The following TSC22D1 variants were observed in gnomAD, a reference collection of about 807,000 sequenced individuals.
The protein encoded by TSC22D1 is TSC22 domain family member 1.
Under a neutral mutation model 74.2 loss-of-function variants are expected in TSC22D1, and 9 were observed. The ratio of observed to expected loss-of-function variants is 0.12; its 90% CI spans 0.07 to 0.21. The LOEUF (loss-of-function observed/expected upper bound fraction) is 0.21, where lower values mean the gene tolerates loss of function less well. TSC22D1 is among the 10% of genes least tolerant of loss of function. The pLI, the probability that TSC22D1 is intolerant of heterozygous loss-of-function variation, is 1.00. For synonymous variants in TSC22D1, 586 were observed against 492.5 expected (o/e 1.19, Z -2.51); for missense variants, 1,427 against 1,304.7 (o/e 1.09, Z -1.44).
chr13:44,447,016 C>T (rs1039268900), intron 1 of TSC22D1, among the ~76,000 whole-genome samples: 5 of 152,050 alleles, frequency 3.3e-5, no homozygotes, highest in African/African-American at 1.2e-4. Flanking sequence ...TGAAAAAGAT[C>T]TTCAGAACTT....
chr13:44,576,714 T>TGGGGCC (rs1884278614), upstream of TSC22D1: 1 of 152,846 alleles, frequency 6.5e-6, no homozygotes, highest in Non-Finnish European at 1.5e-5. Context: ...TGGCCGCGGC[T>TGGGGCC]GGGGCCGGGG....
chr13:44,432,965 T>C lies in TSC22D1; in HGVS notation c.*1661A>G, dbSNP rs1426402680. The C allele has an allele frequency of 2.0e-5, 3 of 152,236 alleles. No individual in the cohort carries two copies. The highest frequency in any genetic ancestry group is 4.4e-5 in the Non-Finnish European group (3 of 68,052). The allele number at this position is 152,236 out of a possible 1,614,324, so 9.4% of individuals were successfully genotyped here. A position where few individuals can be genotyped will look rare whatever the true frequency, so the allele number is the denominator to read the frequency against. ...TCATGCAGAATCAACTGCAAGGACA[T>C]CCTTGCTCATCTGGTCCCACCTCAA... On this transcript the variant is annotated 3_prime_UTR_variant, in exon 3 of 3. Transcript: ENST00000458659.
chr13:44,553,352 T>G (rs1270875869), intron 1 of TSC22D1, among the ~76,000 whole-genome samples: 2 of 152,194 alleles, frequency 1.3e-5, no homozygotes, highest in East Asian at 3.8e-4. Flanking sequence ...ACTATTTTTT[T>G]TTTTCACTTT....
chr13:44,524,539 C>G (rs1202558394), intron 1 of TSC22D1, among the ~76,000 whole-genome samples: 1 of 152,092 alleles, frequency 6.6e-6, no homozygotes, highest in East Asian at 1.9e-4. Flanking sequence ...CCCACACTTC[C>G]ATGATTTTTT....
In TSC22D1 at chr13:44,434,742, G is replaced by A; in HGVS notation, c.3106C>T (p.Leu1036Phe). The A allele has an allele frequency of 6.2e-7, 1 of 1,613,694 alleles. No homozygotes were observed. The change falls in exon 3 of 3, where the codon CTT becomes TTT. Residue 1036 changes from leucine (L) to phenylalanine (F), a missense_variant. Physicochemically the swap from Leu to Phe is conservative, Grantham distance 22. This residue lies in a region of TSC22D1 where 63 missense variants were observed against 50.5 expected (regional missense o/e 1.25). Transcript: ENST00000458659. ...LLKTLASPEQ[L>F]AQFQAQLQTG... ...TGCAGCTGGGCCTGAAACTGGGCAA[G>A]CTGCTCAGGACTGGCCAGTGTCTTC...
chr13:44,562,363 T>C (rs138535788), intron 1 of TSC22D1, among the ~76,000 whole-genome samples: 63 of 152,318 alleles, frequency 4.1e-4, no homozygotes, highest in African/African-American at 1.4e-3. Context: ...TTTCTTTATA[T>C]ATGTATCTAC....
chr13:44,511,561 A>C (rs1385274717), intron 1 of TSC22D1, among the ~76,000 whole-genome samples: 1 of 152,072 alleles, frequency 6.6e-6, no homozygotes, highest in Non-Finnish European at 1.5e-5. Context: ...TAATTGTTCA[A>C]TATGACAATC....
intron 2 of TSC22D1, chr13:44,435,133 G>A (rs902508184): frequency 5.1e-5 from 21 of 414,396 alleles, no homozygotes; most frequent in Middle Eastern, 6.4e-4. Flanking sequence ...GCCCAAGTAA[G>A]GCTTCCTGAG....
In TSC22D1 at chr13:44,575,208, T is replaced by C. The variant is rs772785449; in HGVS notation, c.867A>G (p.Val289=). 4 of 1,614,058 alleles carry C rather than the reference T, an allele frequency of 2.5e-6. No individual in the cohort carries two copies. The South Asian group carries it at 3.3e-5, about 13-fold the overall frequency. The change falls in exon 1 of 3, where the codon GTA becomes GTG. Residue 289 remains valine, a synonymous_variant. Transcript: ENST00000458659. ...AVSSSGSPAS[V]MTNMRAPSTT... Reference sequence around the variant, plus strand: ...TACTTGGAGCACGCATATTAGTCATTACAGATGCAGGTGAACCACTGGATG... The same window carrying C: ...TACTTGGAGCACGCATATTAGTCATCACAGATGCAGGTGAACCACTGGATG...
In TSC22D1 at chr13:44,433,819, T is replaced by C; in HGVS notation, c.*807A>G. 3.3e-6 allele frequency: 2 copies of C among 599,468 alleles called. No homozygotes were observed. Among genetic ancestry groups the C allele is most frequent in the Non-Finnish European group, 5.3e-6 (2 of 374,052 alleles). 37.1% of individuals were successfully genotyped at this position (599,468 alleles called of 1,614,324 possible). A position where few individuals can be genotyped will look rare whatever the true frequency, so the allele number is the denominator to read the frequency against. ...CTGTGCCAAATTCTTAAAATTTCTTTAGGTGTGGTTTTTGTCATGTAGCAG... is the reference window on the plus strand; with the variant it reads ...CTGTGCCAAATTCTTAAAATTTCTTCAGGTGTGGTTTTTGTCATGTAGCAG... On this transcript the variant is annotated 3_prime_UTR_variant, in exon 3 of 3. Transcript: ENST00000458659.
At chr13:44,434,972 CCTAA>C (rs1234910142) in intron 2 of TSC22D1, 89 bp from the exon 3 acceptor site, 39 of 1,151,428 alleles carry the variant, frequency 3.4e-5, no homozygotes, top group Admixed American at 6.7e-5. Flanking sequence ...CATGGATCTC[CCTAA>C]CTATTTACAT....
chr13:44,539,460 G>T, intron 1 of TSC22D1: 1 of 985,284 alleles, frequency 1.0e-6, no homozygotes, highest in Non-Finnish European at 1.2e-6. Flanking sequence ...AGAGCACTTA[G>T]AAGTCCACTA....
At chr13:44,518,280 C>T (rs1045082502) in intron 1 of TSC22D1, among the ~76,000 whole-genome samples, 1 of 151,948 alleles carries the variant, frequency 6.6e-6, no homozygotes. Context: ...GGTAAACAAA[C>T]GACAGTCACA....
chr13:44,456,128 G>A (rs531393065), intron 1 of TSC22D1, among the ~76,000 whole-genome samples: 8 of 152,194 alleles, frequency 5.3e-5, no homozygotes, highest in African/African-American at 1.2e-4. Flanking sequence ...TAAAGCCGTG[G>A]ACCCTCGCAG....
chr13:44,436,650 C>T (rs183876304), intron 1 of TSC22D1: 2 of 1,595,950 alleles, frequency 1.3e-6, no homozygotes, highest in East Asian at 2.2e-5. Context: ...CAAAAACACC[C>T]TCGTGGAAAA....
chr13:44,527,801 C>T (rs915465179), intron 1 of TSC22D1, among the ~76,000 whole-genome samples: 3 of 151,934 alleles, frequency 2.0e-5, no homozygotes, highest in Non-Finnish European at 2.9e-5. Flanking sequence ...ATGTTGGCTA[C>T]AAGAAACCCA....
intron 1 of TSC22D1, among the ~76,000 whole-genome samples, chr13:44,517,751 A>AT (rs1880068369): frequency 9.4e-6 from 1 of 106,856 alleles, no homozygotes; most frequent in African/African-American, 3.1e-5. Flanking sequence ...ATATACGTAT[A>AT]TATGTGTGTG....
At chr13:44,508,147 A>C (rs1362605232) in intron 1 of TSC22D1, among the ~76,000 whole-genome samples, 2 of 152,204 alleles carry the variant, frequency 1.3e-5, no homozygotes, top group African/African-American at 4.8e-5. Context: ...TTTTTATTTC[A>C]GTACTATAAA....
intron 1 of TSC22D1, among the ~76,000 whole-genome samples, chr13:44,476,875 C>A (rs936125587): frequency 6.6e-6 from 1 of 152,034 alleles, no homozygotes; most frequent in Non-Finnish European, 1.5e-5. Context: ...GATATGTTGC[C>A]CAGGCTGGTC....
Sources: allele counts gnomAD v4.1 joint callset (sites outside exome capture counted in the v4.1 genomes callset), GRCh38; gene constraint gnomAD v4.1.1; regional missense constraint gnomAD v4.1.1; transcripts MANE v1.5; gene names NCBI Gene and HGNC (gene_info 2026-07-23, HGNC 2026-07-21).